SIPA1L1: variants seen among roughly 807,000 people sequenced by gnomAD.
SIPA1L1 encodes the protein signal induced proliferation associated 1 like 1.
In SIPA1L1, 26 loss-of-function variants were observed where a neutral mutation model predicts 162.7. The ratio of observed to expected loss-of-function variants is 0.16; its 90% CI spans 0.12 to 0.22. The LOEUF (loss-of-function observed/expected upper bound fraction) is 0.22, where lower values mean the gene tolerates loss of function less well. SIPA1L1 is among the 10% of genes least tolerant of loss of function. The pLI is 1.00. For missense variants in SIPA1L1, 1,874 were observed against 2,241.0 expected, an observed-to-expected ratio of 0.84 and a Z score of 3.31; for synonymous variants, 829 against 837.4, an observed-to-expected ratio of 0.99 and a Z score of 0.17.
At chr14:71,482,638 A>G (rs927599124) in intron 2 of SIPA1L1, among the ~76,000 whole-genome samples, 1 of 152,150 alleles carries the variant, frequency 6.6e-6, no homozygotes, top group African/African-American at 2.4e-5. Flanking sequence ...TAGAGAGGAG[A>G]GAAGAATTTA....
At chr14:71,349,610 A>G (rs2140560479) in intron 2 of SIPA1L1, among the ~76,000 whole-genome samples, 1 of 152,316 alleles carries the variant, frequency 6.6e-6, no homozygotes, top group South Asian at 2.1e-4. Context: ...ATTTTAGTAT[A>G]GGTTTAAACA....
chr14:71,639,542 C>G (rs2041496649), intron 7 of SIPA1L1, among the ~76,000 whole-genome samples: 1 of 152,056 alleles, frequency 6.6e-6, no homozygotes, highest in Non-Finnish European at 1.5e-5. Context: ...CAAAATTCCG[C>G]CAAGGTTTTT....
intron 2 of SIPA1L1, among the ~76,000 whole-genome samples, chr14:71,352,205 A>G (rs1369401848): frequency 6.6e-6 from 1 of 152,078 alleles, no homozygotes; most frequent in Non-Finnish European, 1.5e-5. Flanking sequence ...TCTTTTTGAG[A>G]CAGTCTCACT....
intron 18 of SIPA1L1, 74 bp from the exon 19 acceptor site, chr14:71,724,596 C>T: frequency 8.4e-7 from 1 of 1,194,048 alleles, no homozygotes; most frequent in Non-Finnish European, 1.2e-6. Context: ...TGACTTACAT[C>T]CTTTAGAGCC....
intron 13 of SIPA1L1, among the ~76,000 whole-genome samples, chr14:71,693,665 T>G (rs1004785614): frequency 6.6e-6 from 1 of 152,138 alleles, no homozygotes; most frequent in African/African-American, 2.4e-5. Context: ...CTACTCCGGT[T>G]ATAGCACCCA....
chr14:71,411,097 A>T (rs1008449485), intron 2 of SIPA1L1, among the ~76,000 whole-genome samples: 2 of 152,258 alleles, frequency 1.3e-5, no homozygotes, highest in African/African-American at 4.8e-5. Flanking sequence ...ATATGCCCAC[A>T]CATCAGACTT....
intron 13 of SIPA1L1, among the ~76,000 whole-genome samples, chr14:71,686,310 A>G (rs2046285959): frequency 6.6e-6 from 1 of 152,202 alleles, no homozygotes. Flanking sequence ...CTGCCTTTAC[A>G]AGGTTGCCCT....
chr14:71,500,782 G>A (rs369889368), intron 2 of SIPA1L1, among the ~76,000 whole-genome samples: 37 of 152,270 alleles, frequency 2.4e-4, no homozygotes, highest in African/African-American at 8.4e-4. Context: ...CAAGGCGGGC[G>A]GGTCACCTGA....
intron 16 of SIPA1L1, among the ~76,000 whole-genome samples, chr14:71,706,275 C>A (rs2082433698): frequency 6.6e-6 from 1 of 152,062 alleles, no homozygotes. Context: ...TGTCACAAAT[C>A]TACTTGTAAA....
rs76126947 is a variant in SIPA1L1, at chr14:71,347,861, T to A, written c.-465+26680T>A. On this transcript the variant is annotated intron_variant, in intron 2 of 23. Coordinates refer to ENST00000381232, the MANE Select transcript of SIPA1L1 (RefSeq NM_001386936.1). ...AGGTTTTTGTCTTTTTTTGTTGAGT[T>A]GTAAATATTCCTTATGTATTTTAGA... 3.9e-3 allele frequency among the ~76,000 whole-genome samples: 593 copies of A among 152,336 alleles called. 6 individuals carry two copies. The highest frequency in any genetic ancestry group is 0.014 in the African/African-American group (572 of 41,564).
At chr14:71,466,886 C>T (rs1316538922) in intron 2 of SIPA1L1, among the ~76,000 whole-genome samples, 4 of 152,156 alleles carry the variant, frequency 2.6e-5, no homozygotes, top group African/African-American at 9.7e-5. Context: ...ACAATTTTCT[C>T]TTCCATAGTA....
At chr14:71,547,472 T>G (rs545006254) in intron 4 of SIPA1L1, among the ~76,000 whole-genome samples, 1 of 151,968 alleles carries the variant, frequency 6.6e-6, no homozygotes, top group South Asian at 2.1e-4. Flanking sequence ...TTTTGTATTT[T>G]TAGTAGAGAC....
intron 4 of SIPA1L1, among the ~76,000 whole-genome samples, chr14:71,566,388 C>G (rs1352315131): frequency 1.3e-5 from 2 of 152,124 alleles, no homozygotes; most frequent in Non-Finnish European, 2.9e-5. Flanking sequence ...AAAAACGAAA[C>G]AGCAGAACCA....
At chr14:71,639,182 G>A (rs1174242107) in intron 7 of SIPA1L1, among the ~76,000 whole-genome samples, 1 of 152,212 alleles carries the variant, frequency 6.6e-6, no homozygotes, top group South Asian at 2.1e-4. Flanking sequence ...CAAGGAAGGA[G>A]GATTGCTTGA....
intron 2 of SIPA1L1, among the ~76,000 whole-genome samples, chr14:71,494,234 A>G (rs944234723): frequency 3.3e-5 from 5 of 152,090 alleles, no homozygotes; most frequent in African/African-American, 1.2e-4. Flanking sequence ...TCAGTCTTTT[A>G]CTGTTGGTAT....
chr14:71,433,952 CCTCT>C (rs2044190647), intron 2 of SIPA1L1, among the ~76,000 whole-genome samples: 1 of 152,142 alleles, frequency 6.6e-6, no homozygotes, highest in African/African-American at 2.4e-5. Flanking sequence ...ATTTAAAATG[CCTCT>C]CTATTTTCCC....
At chr14:71,540,649 C>T (rs2054296136) in intron 4 of SIPA1L1, among the ~76,000 whole-genome samples, 1 of 152,166 alleles carries the variant, frequency 6.6e-6, no homozygotes, top group Non-Finnish European at 1.5e-5. Context: ...AATACAGTGA[C>T]AAGGGAAGCA....
At chr14:71,430,073 T>C (rs1048640420) in intron 2 of SIPA1L1, among the ~76,000 whole-genome samples, 10 of 152,170 alleles carry the variant, frequency 6.6e-5, no homozygotes, top group Admixed American at 3.3e-4. Flanking sequence ...TGTGTTCTAA[T>C]GGCTGAGGGA....
At chr14:71,707,575 T>C (rs2082541735) in intron 16 of SIPA1L1, among the ~76,000 whole-genome samples, 1 of 152,258 alleles carries the variant, frequency 6.6e-6, no homozygotes, top group South Asian at 2.1e-4. Flanking sequence ...CTTTTGAGCC[T>C]GGCTTCTCTC....
Sources: gnomAD v4.1 joint callset for allele counts (sites outside exome capture counted in the v4.1 genomes callset) on GRCh38, gnomAD v4.1.1 for gene constraint, MANE v1.5 for transcripts, NCBI Gene and HGNC (gene_info 2026-07-23, HGNC 2026-07-21) for gene names.